The following METTL16 variants were observed in gnomAD, a reference collection of about 807,000 sequenced individuals.
METTL16 encodes RNA N(6)-adenosine-methyltransferase METTL16.
A neutral mutation model predicts 57.9 loss-of-function variants in METTL16; 19 were observed. That is an observed-to-expected ratio of 0.33 (90% CI 0.23 to 0.48). The LOEUF is 0.48. Ranked by LOEUF, METTL16 falls within the 20% of genes least tolerant of loss-of-function variation. The pLI is 0.99. For missense variants in METTL16, 434 were observed against 691.5 expected, an observed-to-expected ratio of 0.63 and a Z score of 4.18; for synonymous variants, 246 against 255.6, an observed-to-expected ratio of 0.96 and a Z score of 0.36.
intron 2 of METTL16, 152 bp downstream of exon 2, chr17:2,502,052 A>G: frequency 1.4e-6 from 1 of 696,798 alleles, no homozygotes; most frequent in Non-Finnish European, 2.3e-6. Flanking sequence ...TATACATTAA[A>G]AAGCTGAGAC....
intron 6 of METTL16, among the ~76,000 whole-genome samples, chr17:2,441,763 AT>A (rs201477039): frequency 2.6e-5 from 4 of 152,168 alleles, no homozygotes; most frequent in African/African-American, 4.8e-5. Context: ...AACTTAAAAA[AT>A]AAATAAATAA....
intron 2 of METTL16, among the ~76,000 whole-genome samples, chr17:2,494,345 A>G (rs972558830): frequency 6.6e-6 from 1 of 152,168 alleles, no homozygotes; most frequent in Admixed American, 6.6e-5. Context: ...TTTTGTGGGT[A>G]CATGGTAGGT....
chr17:2,497,425 G>A (rs776188135), intron 2 of METTL16, among the ~76,000 whole-genome samples: 19 of 147,436 alleles, frequency 1.3e-4, no homozygotes, highest in Middle Eastern at 3.6e-3. Context: ...CGATTCTCGT[G>A]CCTCAGCCTT....
chr17:2,426,697 C>T (rs1473804788), intron 8 of METTL16, among the ~76,000 whole-genome samples: 1 of 124,900 alleles, frequency 8.0e-6, no homozygotes, highest in Admixed American at 8.3e-5. Flanking sequence ...CCACTGGACT[C>T]CAACCTGGGT....
At chr17:2,431,627 C>T (rs562483228) in intron 8 of METTL16, among the ~76,000 whole-genome samples, 1 of 152,156 alleles carries the variant, frequency 6.6e-6, no homozygotes, top group African/African-American at 2.4e-5. Context: ...TCCTTGCCAA[C>T]GCTGGATGGT....
intron 8 of METTL16, among the ~76,000 whole-genome samples, chr17:2,430,937 AAAT>A (rs568182950): frequency 4.6e-5 from 7 of 151,708 alleles, no homozygotes; most frequent in Non-Finnish European, 8.8e-5. Flanking sequence ...GTAAATTATT[AAAT>A]AATAATAATT....
intron 6 of METTL16, among the ~76,000 whole-genome samples, chr17:2,449,872 CA>C (rs2151556034): frequency 6.6e-6 from 1 of 152,244 alleles, no homozygotes; most frequent in East Asian, 1.9e-4. Context: ...CAGGAATGGC[CA>C]ATAAGCACAT....
intron 6 of METTL16, among the ~76,000 whole-genome samples, chr17:2,455,839 C>T (rs951533009): frequency 2.0e-5 from 3 of 151,876 alleles, no homozygotes; most frequent in Non-Finnish European, 4.4e-5. Context: ...AAAAATTGGC[C>T]AGGCATGGTG....
intron 6 of METTL16, among the ~76,000 whole-genome samples, chr17:2,451,769 AAC>A (rs1338457506): frequency 6.6e-6 from 1 of 152,180 alleles, no homozygotes; most frequent in African/African-American, 2.4e-5. Flanking sequence ...AAAACAGGTT[AAC>A]AGTTTCCTTT....
At chr17:2,472,953 T>C (rs970779363) in intron 4 of METTL16, among the ~76,000 whole-genome samples, 2 of 152,072 alleles carry the variant, frequency 1.3e-5, no homozygotes, top group South Asian at 2.1e-4. Flanking sequence ...AACTACAGAA[T>C]GTACACCACC....
chr17:2,486,276 CT>C (rs899320056), intron 2 of METTL16, among the ~76,000 whole-genome samples: 156 of 145,266 alleles, frequency 1.1e-3, no homozygotes, highest in Middle Eastern at 3.5e-3. Context: ...GGATACTACT[CT>C]TTTTTTTTTT....
intron 2 of METTL16, among the ~76,000 whole-genome samples, chr17:2,493,266 T>G (rs996051153): frequency 2.0e-5 from 3 of 151,562 alleles, no homozygotes; most frequent in Non-Finnish European, 4.4e-5. Flanking sequence ...TTTTTTTGTA[T>G]TTTTAGTAGA....
intron 6 of METTL16, among the ~76,000 whole-genome samples, chr17:2,463,870 T>C (rs1349928669): frequency 2.0e-5 from 3 of 151,966 alleles, no homozygotes; most frequent in African/African-American, 7.2e-5. Context: ...CTCATGCCTA[T>C]AATTCCAGCA....
intron 6 of METTL16, among the ~76,000 whole-genome samples, chr17:2,456,607 TG>T (rs1431763225): frequency 3.9e-5 from 6 of 152,186 alleles, no homozygotes; most frequent in African/African-American, 1.2e-4. Context: ...CACAAGTAGC[TG>T]GGACTATAGG....
intron 2 of METTL16, among the ~76,000 whole-genome samples, chr17:2,492,905 A>AAC (rs1212063912): frequency 7.3e-6 from 1 of 137,174 alleles, no homozygotes; most frequent in Non-Finnish European, 1.6e-5. Flanking sequence ...CTCAAAAAAA[A>AAC]AAAAAAAAAA....
chr17:2,467,696 G>A (rs2067210776), intron 5 of METTL16, 65 bp downstream of exon 5: 1 of 1,245,746 alleles, frequency 8.0e-7, no homozygotes, highest in African/African-American at 1.5e-5. Flanking sequence ...AAAGTGCAGG[G>A]ATTACAGGCG....
chr17:2,438,366 T>C (rs927889210), intron 7 of METTL16, among the ~76,000 whole-genome samples, 168 bp from the exon 8 acceptor site: 6 of 152,194 alleles, frequency 3.9e-5, no homozygotes, highest in African/African-American at 1.4e-4. Flanking sequence ...GAATAAATCA[T>C]CTCTCAACAA....
At chr17:2,482,459 G>T (rs531215900) in intron 2 of METTL16, among the ~76,000 whole-genome samples, 2 of 152,184 alleles carry the variant, frequency 1.3e-5, no homozygotes, top group Non-Finnish European at 2.9e-5. Context: ...ATAATAAAAT[G>T]TAAGTGTTTA....
chr17:2,505,436 A>C (rs2067524928), intron 1 of METTL16, among the ~76,000 whole-genome samples: 1 of 85,116 alleles, frequency 1.2e-5, no homozygotes, highest in African/African-American at 4.6e-5. Context: ...TTTTTTAGAT[A>C]CATGGTTTCG....
Sources: gnomAD v4.1 joint callset for allele counts (sites outside exome capture counted in the v4.1 genomes callset) on GRCh38, gnomAD v4.1.1 for gene constraint, MANE v1.5 for transcripts, NCBI Gene and HGNC (gene_info 2026-07-23, HGNC 2026-07-21) for gene names.